The following IQCM variants were observed in gnomAD, a reference collection of about 807,000 sequenced individuals.
IQCM encodes IQ domain-containing protein M.
IQCM carries 45 observed loss-of-function variants against 57.6 expected under a neutral mutation model. That is an observed-to-expected ratio of 0.78 (90% CI 0.62 to 1.00). IQCM has a LOEUF of 1.00. Among genes scored for constraint, IQCM ranks in the 50% least tolerant of loss-of-function variants. IQCM has a pLI of 0.00. For missense variants in IQCM, 468 were observed against 511.6 expected (o/e 0.91, Z 0.82); for synonymous variants, 148 against 158.9 (o/e 0.93, Z 0.51).
At chr4:149,668,973 G>T (rs1236592901) in intron 7 of IQCM, among the ~76,000 whole-genome samples, 2 of 152,150 alleles carry the variant, frequency 1.3e-5, no homozygotes, top group Non-Finnish European at 2.9e-5. Context: ...TATCACTACA[G>T]ATGTTATTAT....
chr4:149,403,428 T>C (rs529478283), intron 13 of IQCM, among the ~76,000 whole-genome samples: 5 of 152,140 alleles, frequency 3.3e-5, no homozygotes, highest in South Asian at 2.1e-4. Flanking sequence ...AGTTATGCCA[T>C]TTACAATGTT....
intron 13 of IQCM, among the ~76,000 whole-genome samples, chr4:149,357,075 T>G (rs1729053626): frequency 6.6e-6 from 1 of 152,324 alleles, no homozygotes; most frequent in East Asian, 1.9e-4. Flanking sequence ...AGAATGCTTG[T>G]GATTTTTGCA....
At chr4:149,623,333 G>A (rs1756510652) in intron 7 of IQCM, among the ~76,000 whole-genome samples, 2 of 152,080 alleles carry the variant, frequency 1.3e-5, no homozygotes, top group Non-Finnish European at 2.9e-5. Context: ...AGAGTCCAGA[G>A]CATTTTCAAA....
At chr4:149,582,255 C>T (rs1191201358) in intron 9 of IQCM, among the ~76,000 whole-genome samples, 2 of 139,398 alleles carry the variant, frequency 1.4e-5, no homozygotes, top group Non-Finnish European at 3.1e-5. Context: ...GATCCTGCAC[C>T]CTTGTAATTC....
At chr4:149,719,590 T>C (rs1171879595) in intron 5 of IQCM, among the ~76,000 whole-genome samples, 1 of 152,186 alleles carries the variant, frequency 6.6e-6, no homozygotes, top group Non-Finnish European at 1.5e-5. Flanking sequence ...TCTTCAGCAA[T>C]GCTTGATTCA....
At chr4:149,444,854 A>G (rs897257424) in intron 12 of IQCM, among the ~76,000 whole-genome samples, 9 of 151,958 alleles carry the variant, frequency 5.9e-5, no homozygotes, top group African/African-American at 2.2e-4. Context: ...CATATAACGT[A>G]GTTCAGATAA....
chr4:149,414,677 A>C (rs945931522), intron 13 of IQCM, among the ~76,000 whole-genome samples: 1 of 152,058 alleles, frequency 6.6e-6, no homozygotes, highest in African/African-American at 2.4e-5. Context: ...TATATAACTA[A>C]GATTTATGTC....
At chr4:149,607,770 T>C (rs1604751) in intron 8 of IQCM, among the ~76,000 whole-genome samples, 66,309 of 151,548 alleles carry the variant, frequency 0.44, 14,861 homozygotes, top group South Asian at 0.57. Context: ...AAAACAAAAA[T>C]CTATTTTAGA....
chr4:149,399,399 A>C (rs968198601), intron 13 of IQCM, among the ~76,000 whole-genome samples: 1 of 151,996 alleles, frequency 6.6e-6, no homozygotes, highest in Admixed American at 6.6e-5. Context: ...GGAACACAGG[A>C]AGAGAGACAC....
chr4:149,459,195 G>A (rs967602149), intron 12 of IQCM, among the ~76,000 whole-genome samples: 1 of 152,188 alleles, frequency 6.6e-6, no homozygotes, highest in African/African-American at 2.4e-5. Flanking sequence ...TTCTTTAAAT[G>A]AGATAAAAAC....
At chr4:149,447,191 A>G (rs916745489) in intron 12 of IQCM, among the ~76,000 whole-genome samples, 1 of 151,626 alleles carries the variant, frequency 6.6e-6, no homozygotes, top group African/African-American at 2.4e-5. Context: ...TTTGTAAGAA[A>G]TTTCTTTCAT....
intron 7 of IQCM, among the ~76,000 whole-genome samples, chr4:149,630,392 C>G (rs1170808308): frequency 6.6e-6 from 1 of 152,062 alleles, no homozygotes; most frequent in Non-Finnish European, 1.5e-5. Flanking sequence ...TTATGGTGAA[C>G]TAGATAGTAC....
chr4:149,567,988 T>C (rs1315290491), intron 9 of IQCM, among the ~76,000 whole-genome samples: 1 of 152,160 alleles, frequency 6.6e-6, no homozygotes, highest in East Asian at 1.9e-4. Context: ...TTTTTAGCCG[T>C]TTAGAGTCTA....
In IQCM at chr4:149,657,239, A is replaced by G. The variant is rs185724214; in HGVS notation, c.565+24879T>C. On this transcript the variant is annotated intron_variant, in intron 7 of 13. Transcript: ENST00000636793. ...TCTGTGATATCGATATTTTTTTAAG[A>G]TACCACATATGACTGAGATCACATG... Among the ~76,000 whole-genome samples the G allele has an allele frequency of 1.4e-4, 22 of 152,198 alleles. 1 individual carries two copies. The highest frequency in any genetic ancestry group is 5.1e-4 in the African/African-American group (21 of 41,548).
chr4:149,362,259 G>A (rs1729544895), intron 13 of IQCM, among the ~76,000 whole-genome samples: 1 of 152,032 alleles, frequency 6.6e-6, no homozygotes, highest in Admixed American at 6.5e-5. Context: ...TTTGGACTGT[G>A]GACTTTTGGG....
chr4:149,482,313 A>C (rs1163929001), intron 12 of IQCM, among the ~76,000 whole-genome samples: 1 of 151,940 alleles, frequency 6.6e-6, no homozygotes, highest in African/African-American at 2.4e-5. Flanking sequence ...TTCTAATGCC[A>C]TGTTGAATAA....
At chr4:149,753,929 T>A (rs1263164763) in intron 2 of IQCM, among the ~76,000 whole-genome samples, 1 of 151,616 alleles carries the variant, frequency 6.6e-6, no homozygotes, top group African/African-American at 2.4e-5. Context: ...AGAATAAAAA[T>A]AAATCCACAC....
At chr4:149,406,143 G>A (rs958850869) in intron 13 of IQCM, among the ~76,000 whole-genome samples, 25 of 151,686 alleles carry the variant, frequency 1.6e-4, no homozygotes, top group African/African-American at 4.6e-4. Context: ...TTGAACATAC[G>A]TGTTCTACCC....
intron 7 of IQCM, among the ~76,000 whole-genome samples, chr4:149,646,646 C>A (rs1453875447): frequency 6.6e-6 from 1 of 152,090 alleles, no homozygotes; most frequent in Admixed American, 6.6e-5. Flanking sequence ...CGCTGAAGTT[C>A]TTTGACTTTC....
Sources: gnomAD v4.1 joint callset for allele counts (sites outside exome capture counted in the v4.1 genomes callset) on GRCh38, gnomAD v4.1.1 for gene constraint, MANE v1.5 for transcripts, NCBI Gene and HGNC (gene_info 2026-07-23, HGNC 2026-07-21) for gene names.